CAMSAP2: variants seen among roughly 807,000 people sequenced by gnomAD.
The protein encoded by CAMSAP2 is calmodulin regulated spectrin associated protein family member 2.
Under a neutral mutation model 146.1 loss-of-function variants are expected in CAMSAP2, and 26 were observed. The observed-to-expected ratio is 0.18, with a 90% confidence interval of 0.13 to 0.25. The LOEUF (loss-of-function observed/expected upper bound fraction) is 0.25. Among genes scored for constraint, CAMSAP2 ranks in the 10% least tolerant of loss-of-function variants. CAMSAP2 has a pLI of 1.00. For synonymous variants in CAMSAP2, 499 were observed against 596.6 expected (o/e 0.84, Z 2.38); for missense variants, 1,381 against 1,759.3 (o/e 0.78, Z 3.85).
chr1:200,842,818 A>T (rs938139033), intron 7 of CAMSAP2, among the ~76,000 whole-genome samples: 8 of 152,062 alleles, frequency 5.3e-5, no homozygotes, highest in African/African-American at 1.9e-4. Flanking sequence ...TCTACTAAAA[A>T]TACAAAAATT....
intron 2 of CAMSAP2, among the ~76,000 whole-genome samples, chr1:200,799,586 C>T (rs1275347317): frequency 7.2e-5 from 11 of 151,986 alleles, no homozygotes. Context: ...GTCTGGCTAG[C>T]AGTCTATCTA....
intron 4 of CAMSAP2, among the ~76,000 whole-genome samples, chr1:200,819,084 G>A (rs542569833): frequency 4.3e-4 from 65 of 152,038 alleles, no homozygotes; most frequent in Non-Finnish European, 7.9e-4. Flanking sequence ...CATGTTGAAG[G>A]ATACTTGTAC....
Position 200,857,520 on chromosome 1 carries a change from C to A in CAMSAP2, c.4131+96C>A. On this transcript the variant is annotated intron_variant, in intron 16 of 16. Transcript: ENST00000358823. The surrounding 1 kb of genome is among the most constrained non-coding windows in gnomAD (Gnocchi z 4.7). ...TCTCATGGGCCTAGACTTTCAACAG[C>A]ATGTAAAAAGATCTGTAGCTAGATG... The A allele has an allele frequency of 1.1e-6, 1 of 887,774 alleles. No homozygotes were observed. The highest frequency in any genetic ancestry group is 1.8e-6 in the Non-Finnish European group (1 of 557,544). The allele number at this position is 887,774 out of a possible 1,614,324, so 55.0% of individuals were successfully genotyped here.
chr1:200,809,054 C>A (rs771645106), intron 3 of CAMSAP2, among the ~76,000 whole-genome samples: 18 of 152,208 alleles, frequency 1.2e-4, no homozygotes, highest in Non-Finnish European at 2.1e-4. Flanking sequence ...GCCAGTCCAA[C>A]AAATGTGTCC....
Position 200,827,192 on chromosome 1 carries a change from A to C in CAMSAP2, c.646-5008A>C, listed in dbSNP as rs1271559633. On this transcript the variant is annotated intron_variant, in intron 4 of 16. Transcript: ENST00000358823. ...TGCTGTTACCAGTTTAGATCAATGG[A>C]GGGCCAAGAGAAAGGCCAGAGCAGT... 2.0e-5 allele frequency among the ~76,000 whole-genome samples: 3 copies of C among 152,302 alleles called. 1 individual carries two copies. In the South Asian group the frequency reaches 6.2e-4, roughly 32 times the overall value.
At chr1:200,825,471 C>T (rs1304158254) in intron 4 of CAMSAP2, among the ~76,000 whole-genome samples, 3 of 151,550 alleles carry the variant, frequency 2.0e-5, no homozygotes, top group Non-Finnish European at 4.4e-5. Flanking sequence ...TTACTCCATA[C>T]GGTCCCTAGA....
chr1:200,843,299 A>C (rs1161939899), intron 7 of CAMSAP2, among the ~76,000 whole-genome samples: 2 of 152,242 alleles, frequency 1.3e-5, no homozygotes, highest in African/African-American at 4.8e-5. Context: ...GGGGAGGCAT[A>C]GTCTAGTGAG....
intron 2 of CAMSAP2, among the ~76,000 whole-genome samples, chr1:200,789,993 C>T (rs1665703256): frequency 1.3e-5 from 2 of 152,076 alleles, no homozygotes; most frequent in African/African-American, 4.8e-5. Flanking sequence ...TGTATGTTAA[C>T]CTTGTATCCT....
intron 2 of CAMSAP2, among the ~76,000 whole-genome samples, chr1:200,799,179 T>C (rs985803995): frequency 1.3e-5 from 2 of 152,234 alleles, no homozygotes; most frequent in Non-Finnish European, 2.9e-5. Context: ...GATGCTGGCC[T>C]CATAAAAAGA....
Position 200,847,117 on chromosome 1 carries a change from G to A in CAMSAP2, c.1110-93G>A, listed in dbSNP as rs3765130. The A allele has an allele frequency of 1.2e-3, 997 of 815,458 alleles. 20 individuals are homozygous for A. The East Asian group carries it at 0.026, about 21-fold the overall frequency. The allele number at this position is 815,458 out of a possible 1,614,324, so 50.5% of individuals were successfully genotyped here. Reference sequence around the variant, plus strand: ...TTTTAAAATTTAGGTTGTAGAATGAGAGGTGGTAGTGTTGTTTCTAACTTA... The same window carrying A: ...TTTTAAAATTTAGGTTGTAGAATGAAAGGTGGTAGTGTTGTTTCTAACTTA... On this transcript the variant is annotated intron_variant, in intron 8 of 16. Transcript: ENST00000358823.
chr1:200,854,486 A>G (rs1463813360), intron 13 of CAMSAP2, among the ~76,000 whole-genome samples: 1 of 152,180 alleles, frequency 6.6e-6, no homozygotes, highest in Non-Finnish European at 1.5e-5. Context: ...TTTTCTACCT[A>G]GAATTTAGAT....
Position 200,856,090 on chromosome 1 carries a change from C to T in CAMSAP2, c.3977C>T (p.Thr1326Ile), listed in dbSNP as rs1385511853. The T allele has an allele frequency of 1.2e-6, 2 of 1,613,568 alleles. No homozygotes were observed. Among genetic ancestry groups the T allele is most frequent in the South Asian group, 2.2e-5 (2 of 91,072 alleles). The change falls in exon 15 of 17, where the codon ACA (threonine) becomes ATA (isoleucine). Residue 1326 changes from threonine to isoleucine, a missense_variant. Coordinates refer to ENST00000358823, the MANE Select transcript of CAMSAP2 (RefSeq NM_203459.4). ...NGEKDWENAS[T>I]TSSVASGTEY... ...GAAAAAGACTGGGAGAATGCATCAA[C>T]AACTTCTTCAGTGGCTTCTGGAACA...
At chr1:200,787,092 G>C (rs1048023384) in intron 2 of CAMSAP2, among the ~76,000 whole-genome samples, 1 of 152,132 alleles carries the variant, frequency 6.6e-6, no homozygotes, top group Admixed American at 6.5e-5. Flanking sequence ...AGCTGTGATG[G>C]AGAGGGACAA....
At chr1:200,812,291 C>A (rs956519657) in intron 3 of CAMSAP2, among the ~76,000 whole-genome samples, 4 of 134,642 alleles carry the variant, frequency 3.0e-5, no homozygotes, top group African/African-American at 1.2e-4. Flanking sequence ...AAACACTAAA[C>A]TAATAAAGAG....
At chr1:200,850,886 TG>T (rs1558210472) in intron 11 of CAMSAP2, among the ~76,000 whole-genome samples, 1 of 152,232 alleles carries the variant, frequency 6.6e-6, no homozygotes. Context: ...TCAAAAATCT[TG>T]CCTGTTGAAT....
chr1:200,834,656 A>G (rs527688205), intron 6 of CAMSAP2, among the ~76,000 whole-genome samples: 10 of 152,210 alleles, frequency 6.6e-5, no homozygotes, highest in African/African-American at 2.4e-4. Flanking sequence ...GCTCATGCCT[A>G]TAATCCCAGC....
rs1363821986 is a variant in CAMSAP2 at position 200,816,635 on chromosome 1, TAC to T, written c.645+999_645+1000del. 2.3e-3 allele frequency among the ~76,000 whole-genome samples: 325 copies of T among 143,600 alleles called. 4 individuals carry two copies. The highest frequency in any genetic ancestry group is 7.4e-3 in the African/African-American group (289 of 39,102). 94.2% of individuals were successfully genotyped at this position (143,600 alleles called of 152,430 possible). On this transcript the variant is annotated intron_variant, in intron 4 of 16. Coordinates refer to ENST00000358823, the MANE Select transcript of CAMSAP2 (RefSeq NM_203459.4). ...ATATATATATATATATGTATATATA[TAC>T]ACACACATATATATGCACACACATA...
intron 1 of CAMSAP2, among the ~76,000 whole-genome samples, chr1:200,747,816 C>A (rs1558158547): frequency 6.6e-6 from 1 of 151,902 alleles, no homozygotes; most frequent in Non-Finnish European, 1.5e-5. Context: ...CGAGACCATC[C>A]CGGTACTAAA....
intron 14 of CAMSAP2, 111 bp from the exon 15 acceptor site, chr1:200,855,899 C>T (rs1667738491): frequency 1.4e-6 from 1 of 721,328 alleles, no homozygotes; most frequent in Admixed American, 2.3e-5. Flanking sequence ...CCGGCCTTAT[C>T]ATATTATTTT....
Sources: allele counts gnomAD v4.1 joint callset (sites outside exome capture counted in the v4.1 genomes callset), GRCh38; gene constraint gnomAD v4.1.1; non-coding constraint Gnocchi (gnomAD v3.1); transcripts MANE v1.5; gene names NCBI Gene and HGNC (gene_info 2026-07-23, HGNC 2026-07-21).